Variants in MGAT4C observed in about 807,000 individuals in gnomAD.
MGAT4C encodes the protein MGAT4 family member C.
Under a neutral mutation model 40.1 loss-of-function variants are expected in MGAT4C, and 19 were observed. That is an observed-to-expected ratio of 0.47 (90% CI 0.33 to 0.70). The LOEUF (loss-of-function observed/expected upper bound fraction) is 0.70. Ranked by LOEUF, MGAT4C falls within the 30% of genes least tolerant of loss-of-function variation. MGAT4C has a pLI of 0.02. For missense variants in MGAT4C, 491 were observed against 563.2 expected (o/e 0.87, Z 1.30); for synonymous variants, 181 against 187.1 (o/e 0.97, Z 0.27).
intron 2 of MGAT4C, among the ~76,000 whole-genome samples, chr12:86,569,615 G>A (rs988399417): frequency 3.9e-5 from 6 of 151,930 alleles, no homozygotes; most frequent in Admixed American, 3.9e-4. Flanking sequence ...CAGCCATTAC[G>A]GAAAAACAGT....
chr12:86,557,071 T>A, intron 2 of MGAT4C, among the ~76,000 whole-genome samples: 1 of 152,168 alleles, frequency 6.6e-6, no homozygotes, highest in East Asian at 1.9e-4. Flanking sequence ...TTTCCATTAA[T>A]TTTTAGGCAA....
intron 2 of MGAT4C, among the ~76,000 whole-genome samples, chr12:86,491,094 G>A (rs1958123691): frequency 2.0e-5 from 3 of 151,946 alleles, no homozygotes; most frequent in Admixed American, 6.6e-5. Context: ...CTCTAAACCA[G>A]GAAGAAGTTG....
intron 2 of MGAT4C, among the ~76,000 whole-genome samples, chr12:86,040,887 C>A (rs1241166112): frequency 6.6e-6 from 1 of 152,248 alleles, no homozygotes; most frequent in East Asian, 1.9e-4. Context: ...AGTATCTGGG[C>A]CGGAGTGCAT....
intron 2 of MGAT4C, among the ~76,000 whole-genome samples, chr12:86,501,205 G>GA (rs142224818): frequency 0.014 from 2,077 of 151,928 alleles, 41 homozygotes; most frequent in African/African-American, 0.048. Flanking sequence ...GATAGTATGG[G>GA]AAAAAATATA....
intron 3 of MGAT4C, among the ~76,000 whole-genome samples, chr12:86,360,959 C>T (rs139395891): frequency 6.6e-6 from 1 of 152,196 alleles, no homozygotes; most frequent in Non-Finnish European, 1.5e-5. Context: ...CTACTGATGA[C>T]TTTCTTCACA....
intron 2 of MGAT4C, among the ~76,000 whole-genome samples, chr12:86,012,828 C>T (rs1888638108): frequency 6.8e-6 from 1 of 146,822 alleles, no homozygotes; most frequent in African/African-American, 2.5e-5. Flanking sequence ...ACCACCACCA[C>T]CACCTGGGTG....
intron 4 of MGAT4C, among the ~76,000 whole-genome samples, chr12:86,302,340 A>G (rs1195892253): frequency 6.6e-6 from 1 of 150,834 alleles, no homozygotes; most frequent in African/African-American, 2.5e-5. Context: ...ACAAGAATCC[A>G]TAATTTGTAG....
At chr12:86,809,065 CA>C (rs1188863702) in intron 1 of MGAT4C, among the ~76,000 whole-genome samples, 1 of 151,996 alleles carries the variant, frequency 6.6e-6, no homozygotes, top group Non-Finnish European at 1.5e-5. Context: ...CCTAAGAATA[CA>C]GCTAAAATGG....
At chr12:86,719,137 T>C (rs1950697248) in intron 2 of MGAT4C, among the ~76,000 whole-genome samples, 3 of 152,296 alleles carry the variant, frequency 2.0e-5, no homozygotes, top group South Asian at 4.1e-4. Flanking sequence ...TGAATGAAGA[T>C]TGTCAAGAAC....
chr12:86,651,674 T>C (rs1402151238), intron 2 of MGAT4C, among the ~76,000 whole-genome samples: 1 of 151,886 alleles, frequency 6.6e-6, no homozygotes, highest in Non-Finnish European at 1.5e-5. Context: ...CTTTCTAGCG[T>C]AGCTTCCAAC....
chr12:86,002,276 G>A (rs1887404888), intron 2 of MGAT4C: 1 of 152,172 alleles, frequency 6.6e-6, no homozygotes, highest in Non-Finnish European at 1.5e-5. Flanking sequence ...ATCCAGATGA[G>A]GCTTTGGAGA....
At chr12:86,182,700 A>G (rs750653603) in intron 1 of MGAT4C, among the ~76,000 whole-genome samples, 14 of 152,212 alleles carry the variant, frequency 9.2e-5, no homozygotes, top group Middle Eastern at 6.8e-3. Flanking sequence ...ACAAAAGTCA[A>G]TGATAGCTTA....
intron 1 of MGAT4C, among the ~76,000 whole-genome samples, chr12:86,834,130 A>C (rs1166403552): frequency 2.0e-5 from 3 of 151,532 alleles, no homozygotes; most frequent in African/African-American, 4.9e-5. Context: ...ATCTATCTCT[A>C]TCTGTCTATA....
intron 3 of MGAT4C, among the ~76,000 whole-genome samples, chr12:86,417,915 T>C (rs1207399410): frequency 6.6e-6 from 1 of 152,176 alleles, no homozygotes; most frequent in Non-Finnish European, 1.5e-5. Flanking sequence ...GTAATTATTA[T>C]GCTCATTTGC....
chr12:86,032,621 TG>T (rs2136909697), intron 2 of MGAT4C, among the ~76,000 whole-genome samples: 1 of 150,022 alleles, frequency 6.7e-6, no homozygotes, highest in Admixed American at 6.7e-5. Flanking sequence ...GTTTGTTTTT[TG>T]CTTATTAATT....
chr12:86,526,569 C>T (rs927691711), intron 2 of MGAT4C, among the ~76,000 whole-genome samples: 1 of 152,074 alleles, frequency 6.6e-6, no homozygotes, highest in Admixed American at 6.5e-5. Context: ...GGCTGCCCTG[C>T]ATGCAGGAGT....
chr12:86,610,105 A>T (rs2095751086), intron 2 of MGAT4C, among the ~76,000 whole-genome samples: 2 of 151,688 alleles, frequency 1.3e-5, no homozygotes, highest in African/African-American at 4.8e-5. Context: ...ATGCATGGCA[A>T]TTTTTTTTTC....
chr12:86,641,133 T>C (rs549182223), intron 2 of MGAT4C, among the ~76,000 whole-genome samples: 1 of 151,930 alleles, frequency 6.6e-6, no homozygotes, highest in South Asian at 2.1e-4. Context: ...TGTCCAACAA[T>C]GATAGACTGG....
At chr12:86,309,884 A>T (rs1325501835) in intron 4 of MGAT4C, among the ~76,000 whole-genome samples, 1 of 152,216 alleles carries the variant, frequency 6.6e-6, no homozygotes, top group Non-Finnish European at 1.5e-5. Context: ...AAAATAATTT[A>T]TCTCTCTTGC....
Sources: allele counts gnomAD v4.1 joint callset (sites outside exome capture counted in the v4.1 genomes callset), GRCh38; gene constraint gnomAD v4.1.1; transcripts MANE v1.5; gene names NCBI Gene and HGNC (gene_info 2026-07-23, HGNC 2026-07-21).